FAM83B: variants seen among roughly 807,000 people sequenced by gnomAD.
FAM83B encodes the protein protein FAM83B.
Under a neutral mutation model 38.8 loss-of-function variants are expected in FAM83B, and 26 were observed. The ratio of observed to expected loss-of-function variants is 0.67; its 90% confidence interval spans 0.49 to 0.93. The LOEUF is 0.93. Ranked by LOEUF, FAM83B falls within the 40% of genes least tolerant of loss-of-function variation. The probability of loss-of-function intolerance (pLI) is 0.00; values close to 1 mark genes in which losing one functional copy is unlikely to be tolerated. For missense variants in FAM83B, 1,237 were observed against 1,197.3 expected, an observed-to-expected ratio of 1.03 and a Z score of -0.49; for synonymous variants, 419 against 423.1, an observed-to-expected ratio of 0.99 and a Z score of 0.12.
chr6:54,884,861 C>T (rs1272999212), intron 2 of FAM83B, among the ~76,000 whole-genome samples: 1 of 151,678 alleles, frequency 6.6e-6, no homozygotes, highest in Non-Finnish European at 1.5e-5. Context: ...CAAGCTCCGC[C>T]TCCCGGGTTC....
intron 2 of FAM83B, among the ~76,000 whole-genome samples, chr6:54,901,609 GT>G (rs1288797804): frequency 6.6e-6 from 1 of 152,078 alleles, no homozygotes; most frequent in African/African-American, 2.4e-5. Flanking sequence ...ATTCTTTAAT[GT>G]TGAAACATAA....
At chr6:54,928,187 A>G (rs1773347864) in intron 4 of FAM83B, among the ~76,000 whole-genome samples, 1 of 152,196 alleles carries the variant, frequency 6.6e-6, no homozygotes, top group Non-Finnish European at 1.5e-5. Flanking sequence ...CTACATAAAC[A>G]GGCAGATAAA....
At chr6:54,939,223 C>T (rs1425300318) in intron 4 of FAM83B, among the ~76,000 whole-genome samples, 1 of 151,992 alleles carries the variant, frequency 6.6e-6, no homozygotes, top group African/African-American at 2.4e-5. Context: ...GGTGTATGTG[C>T]CTATTCTTAT....
At chr6:54,899,284 G>C (rs1038836480) in intron 2 of FAM83B, among the ~76,000 whole-genome samples, 1 of 152,048 alleles carries the variant, frequency 6.6e-6, no homozygotes, top group Non-Finnish European at 1.5e-5. Flanking sequence ...TCGGTACAAG[G>C]GTTTTTCTAA....
chr6:54,922,465 G>A (rs114287653), intron 2 of FAM83B, among the ~76,000 whole-genome samples: 4,493 of 151,316 alleles, frequency 0.03, 229 homozygotes, highest in African/African-American at 0.1. Flanking sequence ...TTAATGCATA[G>A]CTAATGCATT....
At chr6:54,925,227 G>A (rs1310884587) in intron 2 of FAM83B, among the ~76,000 whole-genome samples, 5 of 152,070 alleles carry the variant, frequency 3.3e-5, no homozygotes, top group Non-Finnish European at 7.4e-5. Flanking sequence ...AACTCCTCCT[G>A]AATTTCCAGG....
At chr6:54,899,530 T>C (rs924863036) in intron 2 of FAM83B, among the ~76,000 whole-genome samples, 1 of 152,222 alleles carries the variant, frequency 6.6e-6, no homozygotes, top group Non-Finnish European at 1.5e-5. Context: ...ACAGCAGGTA[T>C]TTATTTCTCA....
Position 54,944,786 on chromosome 6 carries a change from G to T in FAM83B, c.*2779G>T, listed in dbSNP as rs1036077731. 6.6e-6 allele frequency: 1 copy of T among 152,114 alleles called. No homozygotes were observed. The highest frequency in any genetic ancestry group is 1.5e-5 in the Non-Finnish European group (1 of 68,016). The allele number at this position is 152,114 out of a possible 1,614,324, so 9.4% of individuals were successfully genotyped here. A position where few individuals can be genotyped will look rare whatever the true frequency, so the allele number is the denominator to read the frequency against. On this transcript the variant is annotated 3_prime_UTR_variant, in exon 5 of 5. Coordinates refer to ENST00000306858, the MANE Select transcript of FAM83B (RefSeq NM_001010872.3). ...TTTACATTGACTATATATGTGACATGTACGTTGCTGTTTTTTTTAAAATAA... is the reference window on the plus strand; with the variant it reads ...TTTACATTGACTATATATGTGACATTTACGTTGCTGTTTTTTTTAAAATAA...
intron 4 of FAM83B, among the ~76,000 whole-genome samples, chr6:54,935,582 G>C (rs1275660519): frequency 6.6e-6 from 1 of 151,998 alleles, no homozygotes; most frequent in Non-Finnish European, 1.5e-5. Flanking sequence ...AAGCAGGCAG[G>C]GTAGGAATTA....
intron 2 of FAM83B, among the ~76,000 whole-genome samples, chr6:54,889,987 T>C (rs1452383844): frequency 2.6e-5 from 4 of 152,086 alleles, no homozygotes; most frequent in African/African-American, 9.7e-5. Context: ...TAACCATTTA[T>C]GTTAAACTTG....
intron 2 of FAM83B, among the ~76,000 whole-genome samples, chr6:54,877,894 G>A (rs1772038113): frequency 6.6e-6 from 1 of 152,194 alleles, no homozygotes; most frequent in Admixed American, 6.5e-5. Flanking sequence ...GTCTAAGATT[G>A]AGATCAGTGG....
intron 2 of FAM83B, among the ~76,000 whole-genome samples, chr6:54,909,312 A>G (rs1362766269): frequency 6.6e-6 from 1 of 152,198 alleles, no homozygotes. Context: ...ATAACAGTCC[A>G]TATATTCCAA....
intron 2 of FAM83B, among the ~76,000 whole-genome samples, chr6:54,893,391 T>G (rs1261160223): frequency 6.6e-6 from 1 of 152,172 alleles, no homozygotes; most frequent in African/African-American, 2.4e-5. Context: ...ATTTTGTGTA[T>G]TAGGGCAAAT....
chr6:54,897,924 C>G (rs899887838), intron 2 of FAM83B, among the ~76,000 whole-genome samples: 2 of 151,710 alleles, frequency 1.3e-5, no homozygotes, highest in Non-Finnish European at 2.9e-5. Context: ...AGAAAATACC[C>G]GAATGAATAA....
At position 54,940,688 on chromosome 6, in the gene FAM83B, G is replaced by T. The variant is rs754117127; in HGVS notation, c.1717G>T (p.Gly573Ter). The T allele has an allele frequency of 1.2e-6, 2 of 1,613,826 alleles. No homozygotes were observed. Among genetic ancestry groups the T allele is most frequent in the African/African-American group, 2.7e-5 (2 of 74,876 alleles). ...AAATTCAACTATCATTGGTTCTCAG[G>T]GAAGTGAGACACCTAAAGAGGTCCC... is the stretch of plus-strand genomic sequence containing the variant. ...SSNSTIIGSQGSETPKEVPDT... is the reference protein window; with the variant it reads ...SSNSTIIGSQ The change falls in exon 5 of 5, where the codon GGA becomes TGA. Residue 573 changes from glycine to a stop codon, truncating the protein, a stop_gained. Transcript: ENST00000306858. LOFTEE classifies it low-confidence loss of function (END_TRUNC).
intron 2 of FAM83B, among the ~76,000 whole-genome samples, chr6:54,917,499 C>A (rs1773072887): frequency 6.6e-6 from 1 of 151,770 alleles, no homozygotes; most frequent in South Asian, 2.1e-4. Flanking sequence ...TAATGCATAC[C>A]TATATTCATG....
intron 2 of FAM83B, among the ~76,000 whole-genome samples, chr6:54,875,355 A>C (rs1053941701): frequency 3.3e-5 from 5 of 152,122 alleles, no homozygotes; most frequent in African/African-American, 1.2e-4. Context: ...CTGTGCCTTC[A>C]TTAGACTAGA....
chr6:54,912,599 A>G (rs912911232), intron 2 of FAM83B, among the ~76,000 whole-genome samples: 36 of 151,856 alleles, frequency 2.4e-4, no homozygotes, highest in Admixed American at 8.5e-4. Context: ...TTATCTGTTT[A>G]TAGATTATCT....
chr6:54,899,500 A>G lies in FAM83B; in HGVS notation c.445-26871A>G, dbSNP rs1161194473. Among the ~76,000 whole-genome samples, 6 of 152,222 alleles carry G rather than the reference A, an allele frequency of 3.9e-5. No homozygotes were observed. The East Asian group carries it at 9.6e-4, about 24-fold the overall frequency. ...TTCAGGACTGCTATAACATAATGCC[A>G]TAAGCAGAGCAGCTTTTAAACAGCA... On this transcript the variant is annotated intron_variant, in intron 2 of 4. Transcript: ENST00000306858.
Sources: gnomAD v4.1 joint callset for allele counts (sites outside exome capture counted in the v4.1 genomes callset) on GRCh38, gnomAD v4.1.1 for gene constraint, MANE v1.5 for transcripts, NCBI Gene and HGNC (gene_info 2026-07-23, HGNC 2026-07-21) for gene names.